Variants in SPTA1 observed in about 807,000 individuals in gnomAD.
SPTA1 encodes the protein spectrin alpha, erythrocytic 1, also known as spectrin alpha chain, erythrocytic 1.
In SPTA1, 177 loss-of-function variants were observed where a neutral mutation model predicts 324.7. The ratio of observed to expected loss-of-function variants is 0.55; its 90% CI spans 0.48 to 0.62. SPTA1 has a LOEUF of 0.62. SPTA1 is among the 20% of genes least tolerant of loss of function. SPTA1 has a pLI of 0.00. For missense variants in SPTA1, 3,162 were observed against 2,883.6 expected, an observed-to-expected ratio of 1.10 and a Z score of -2.21; for synonymous variants, 1,195 against 1,041.3, an observed-to-expected ratio of 1.15 and a Z score of -2.84.
At chr1:158,663,904 G>A (rs1653419622) in intron 16 of SPTA1, among the ~76,000 whole-genome samples, 1 of 152,084 alleles carries the variant, frequency 6.6e-6, no homozygotes, top group Non-Finnish European at 1.5e-5. Flanking sequence ...GAAACATCTG[G>A]CACTTTGTTT....
intron 19 of SPTA1, among the ~76,000 whole-genome samples, chr1:158,656,975 C>T (rs899117867): frequency 6.6e-6 from 1 of 152,158 alleles, no homozygotes; most frequent in Admixed American, 6.5e-5. Context: ...TTAAAATATG[C>T]ATACCAATAA....
chr1:158,683,319 C>G, intron 3 of SPTA1, 52 bp downstream of exon 3: 1 of 1,611,216 alleles, frequency 6.2e-7, no homozygotes, highest in South Asian at 1.1e-5. Flanking sequence ...CAGTTAAAAC[C>G]CTGATAACAT....
Position 158,681,581 on chromosome 1 carries a change from C to T in SPTA1, c.477G>A (p.Lys159=). Residue 159 remains lysine, a synonymous_variant, in exon 4 of 52, where the codon AAG becomes AAA. Transcript: ENST00000643759. ...EKGDQLLRAL[K]FQQYVQECAD... ...CACACTCCTGTACATACTGCTGGAA[C>T]TTCAGGGCCCGCAGCAACTGGTCAC... 6.2e-7 allele frequency: 1 copy of T among 1,613,814 alleles called. No homozygotes were observed. The highest frequency in any genetic ancestry group is 8.5e-7 in the Non-Finnish European group (1 of 1,179,798).
chr1:158,672,675 A>G (rs1654108065), intron 10 of SPTA1, among the ~76,000 whole-genome samples: 1 of 152,332 alleles, frequency 6.6e-6, no homozygotes, highest in East Asian at 1.9e-4. Context: ...TTCCCAAAAC[A>G]AATAAAAACC....
intron 17 of SPTA1, 184 bp from the exon 18 acceptor site, chr1:158,661,593 C>T (rs912375279): frequency 1.5e-5 from 11 of 716,678 alleles, no homozygotes; most frequent in East Asian, 1.1e-4. Flanking sequence ...TTCCCCTGGC[C>T]TCTTTTTATT....
intron 14 of SPTA1, 28 bp from the exon 15 acceptor site, chr1:158,668,090 AAC>A: frequency 7.5e-7 from 1 of 1,332,074 alleles, no homozygotes; most frequent in Non-Finnish European, 1.1e-6. Context: ...AAAAAAAAAA[AAC>A]CATTACCTGA....
Position 158,652,653 on chromosome 1 carries a change from T to C in SPTA1, c.3189A>G (p.Gln1063=). ...ITQRQEQIEN[Q]YRSLLDRAEE... ...CTGCCCGATCCAAGAGGGAGCGGTATCTGGATGGAGAATTGGGAAAAGTGG... is the reference window on the plus strand; with the variant it reads ...CTGCCCGATCCAAGAGGGAGCGGTACCTGGATGGAGAATTGGGAAAAGTGG... Residue 1063 remains glutamine (Q), a splice_region_variant and synonymous_variant, in exon 23 of 52, where the codon CAA becomes CAG. Transcript: ENST00000643759. 5.0e-6 allele frequency: 8 copies of C among 1,613,980 alleles called. No individual in the cohort carries two copies. Among genetic ancestry groups the C allele is most frequent in the Non-Finnish European group, 5.9e-6 (7 of 1,180,004 alleles).
At chr1:158,623,323 AT>A in intron 42 of SPTA1, 131 bp from the exon 43 acceptor site, 1 of 848,772 alleles carries the variant, frequency 1.2e-6, no homozygotes, top group East Asian at 2.4e-5. Context: ...AAAAGGAAAT[AT>A]AACTTAGAGA....
Position 158,645,334 on chromosome 1 carries a change from C to A in SPTA1, c.4048G>T (p.Asp1350Tyr), listed in dbSNP as rs1651913281. The change falls in exon 29 of 52, where the codon GAC (aspartate) becomes TAC (tyrosine). Residue 1350 changes from aspartate to tyrosine, a missense_variant. Asp to Tyr is a radical substitution (Grantham distance 160). Transcript: ENST00000643759. The part of the protein sequence containing the change: ...AEAPTFQALE[D>Y]FSAELIDSGH... ...CTGTCGATAAGTTCTGCACTGAAGT[C>A]CTCTAAGGCCTGGAAGGTGGGAGCC... 1 of 1,613,858 alleles carries A rather than the reference C, an allele frequency of 6.2e-7. No homozygotes were observed. Among genetic ancestry groups the A allele is most frequent in the Non-Finnish European group, 8.5e-7 (1 of 1,179,962 alleles).
Position 158,666,330 on chromosome 1 carries a change from C to T in SPTA1, c.2206G>A (p.Val736Met). 1 of 1,613,784 alleles carries T rather than the reference C, an allele frequency of 6.2e-7. No individual in the cohort carries two copies. Among genetic ancestry groups the T allele is most frequent in the Non-Finnish European group, 8.5e-7 (1 of 1,179,960 alleles). Residue 736 changes from valine to methionine, a missense_variant, in exon 16 of 52, where the codon GTG becomes ATG. Transcript: ENST00000643759. ...TAACAACAAACCTGACGAGCAGCCA[C>T]AGCCGACTCCAGGAGGCCGTGTTTC... Reference protein sequence around the residue: ...LRKHGLLESAVAARQDQVDIL... With the variant: ...LRKHGLLESAMAARQDQVDIL...
intron 8 of SPTA1, 37 bp downstream of exon 8, chr1:158,676,104 G>T: frequency 6.2e-7 from 1 of 1,612,404 alleles, no homozygotes; most frequent in Non-Finnish European, 8.5e-7. Context: ...GGGCCCTGTA[G>T]AGATAGGTAG....
intron 20 of SPTA1, among the ~76,000 whole-genome samples, chr1:158,655,772 T>C (rs959277108): frequency 1.3e-5 from 2 of 152,204 alleles, no homozygotes; most frequent in Admixed American, 6.5e-5. Context: ...TCCAGTTCAA[T>C]TAATCTTCAT....
In SPTA1 at chr1:158,685,194, G is replaced by T. The variant is rs373695294; in HGVS notation, c.178C>A (p.Arg60=). 8.1e-6 allele frequency: 13 copies of T among 1,613,522 alleles called. No individual in the cohort carries two copies. Among genetic ancestry groups the T allele is most frequent in the South Asian group, 7.7e-5 (7 of 91,066 alleles). Residue 60 remains arginine (R), a synonymous_variant, in exon 2 of 52, where the codon CGA becomes AGA. Coordinates refer to ENST00000643759, the MANE Select transcript of SPTA1 (RefSeq NM_003126.4). ...CACTTCCCCAGATCATCTGCATCTC[G>T]CTTGAAAACTTGTAAGTGATAGGAA... ...EDSYHLQVFK[R]DADDLGKWIM...
In SPTA1 at chr1:158,626,994, T is replaced by C; in HGVS notation, c.5678A>G (p.Glu1893Gly). 6.2e-7 allele frequency: 1 copy of C among 1,613,866 alleles called. No homozygotes were observed. Among genetic ancestry groups the C allele is most frequent in the Non-Finnish European group, 8.5e-7 (1 of 1,179,766 alleles). Residue 1893 changes from glutamate (E) to glycine (G), a missense_variant, in exon 41 of 52, where the codon GAA (glutamate) becomes GGA (glycine). Coordinates refer to ENST00000643759, the MANE Select transcript of SPTA1 (RefSeq NM_003126.4). ...EDILNKVLQE[E>G]SQNKEISSKI... ...GGAAGAAATCTCTTTGTTCTGACTT[T>C]CCTCCTGCAACACCTGTGAGAAGGG...
chr1:158,659,995 A>G (rs1239036864), intron 18 of SPTA1, among the ~76,000 whole-genome samples: 1 of 152,186 alleles, frequency 6.6e-6, no homozygotes, highest in Non-Finnish European at 1.5e-5. Context: ...CCAAATCACA[A>G]TGGCAAAATC....
chr1:158,648,754 TC>T (rs1217907585), intron 25 of SPTA1, 101 bp from the exon 26 acceptor site: 7 of 1,260,910 alleles, frequency 5.6e-6, no homozygotes, highest in Non-Finnish European at 6.6e-6. Flanking sequence ...CTCACCATCC[TC>T]CCACCCACCC....
intron 39 of SPTA1, among the ~76,000 whole-genome samples, chr1:158,630,526 T>G (rs1248081337): frequency 6.6e-6 from 1 of 152,082 alleles, no homozygotes; most frequent in Non-Finnish European, 1.5e-5. Context: ...GTCTTGAAAC[T>G]ATAGAACTCC....
chr1:158,653,514 G>C (rs1186502046), intron 21 of SPTA1, 89 bp from the exon 22 acceptor site: 3 of 1,570,520 alleles, frequency 1.9e-6, no homozygotes, highest in Non-Finnish European at 2.6e-6. Flanking sequence ...CTTGGCCCAG[G>C]CACAGGTTAA....
chr1:158,633,633 G>A (rs549754810), intron 39 of SPTA1, among the ~76,000 whole-genome samples: 62 of 147,126 alleles, frequency 4.2e-4, no homozygotes, highest in East Asian at 2.6e-3. Context: ...TGCACTCCAG[G>A]CTGGGAGACA....
Sources: gnomAD v4.1 joint callset for allele counts (sites outside exome capture counted in the v4.1 genomes callset) on GRCh38, gnomAD v4.1.1 for gene constraint, MANE v1.5 for transcripts, NCBI Gene and HGNC (gene_info 2026-07-23, HGNC 2026-07-21) for gene names.